NEK11: variants seen among roughly 807,000 people sequenced by gnomAD.
NEK11 encodes the protein serine/threonine-protein kinase Nek11.
In NEK11, 72 loss-of-function variants were observed where a neutral mutation model predicts 80.7. The ratio of observed to expected loss-of-function variants is 0.89; its 90% CI spans 0.74 to 1.08. The LOEUF (loss-of-function observed/expected upper bound fraction) is 1.08, where lower values mean the gene tolerates loss of function less well. Among genes scored for constraint, NEK11 ranks in the 50% least tolerant of loss-of-function variants. NEK11 has a pLI of 0.00. For missense variants in NEK11, 764 were observed against 763.6 expected (o/e 1.00, Z -0.01); for synonymous variants, 251 against 260.7 (o/e 0.96, Z 0.36).
chr3:131,238,781 A>G lies in NEK11; in HGVS notation c.1561-4655A>G, dbSNP rs115791166. Among the ~76,000 whole-genome samples the G allele has an allele frequency of 3.7e-3, 558 of 152,260 alleles. 11 individuals carry two copies. Among genetic ancestry groups the G allele is most frequent in the Non-Finnish European group, 4.0e-3 (271 of 68,006 alleles). ...AGTGAGCAAAAAGATCATAGTGAGC[A>G]AAAAGATCTTGGGGATGATAGAGAT... is the stretch of plus-strand genomic sequence containing the variant. On this transcript the variant is annotated intron_variant, in intron 15 of 17. Transcript: ENST00000383366.
rs142068477 is a variant in NEK11, at chr3:131,077,927, C to A, written c.171-2496C>A. ...CAAGCAGGCATTTCTCTAGAATCTA[C>A]TTCTTATTAAATAGGAGCCTAATAG... On this transcript the variant is annotated intron_variant, in intron 3 of 17. Transcript: ENST00000383366. Among the ~76,000 whole-genome samples the A allele has an allele frequency of 3.0e-3, 462 of 152,310 alleles. 1 individual carries two copies. Among genetic ancestry groups the A allele is most frequent in the Middle Eastern group, 6.8e-3 (2 of 294 alleles).
chr3:131,090,104 T>C (rs2076520747), intron 4 of NEK11, among the ~76,000 whole-genome samples: 1 of 152,230 alleles, frequency 6.6e-6, no homozygotes, highest in African/African-American at 2.4e-5. Flanking sequence ...ATTGCCAATG[T>C]TAATACAAGG....
chr3:131,098,093 G>T (rs981113572), intron 4 of NEK11, among the ~76,000 whole-genome samples: 1 of 150,524 alleles, frequency 6.6e-6, no homozygotes, highest in Non-Finnish European at 1.5e-5. Flanking sequence ...GGGAAAACTG[G>T]CTAGCCATAT....
At chr3:131,268,322 A>C (rs1465543526) in intron 16 of NEK11, among the ~76,000 whole-genome samples, 3 of 152,010 alleles carry the variant, frequency 2.0e-5, no homozygotes, top group Admixed American at 6.6e-5. Context: ...GCTGGTGAGG[A>C]GTTGTGATCC....
chr3:131,344,432 T>C (rs545799895), intron 17 of NEK11, among the ~76,000 whole-genome samples: 1 of 152,338 alleles, frequency 6.6e-6, no homozygotes, highest in Non-Finnish European at 1.5e-5. Context: ...TTCTAAACTT[T>C]TCCTCATCTT....
chr3:131,102,336 G>C (rs1408447687), intron 4 of NEK11, among the ~76,000 whole-genome samples: 4 of 152,104 alleles, frequency 2.6e-5, no homozygotes, highest in African/African-American at 4.8e-5. Flanking sequence ...TCCACATTTA[G>C]CACTCCCTTA....
rs2084766915 is a variant in NEK11, at chr3:131,132,824, A to C, written c.520+15A>C. The C allele has an allele frequency of 7.9e-7, 1 of 1,269,446 alleles. No homozygotes were observed. The highest frequency in any genetic ancestry group is 1.1e-6 in the Non-Finnish European group (1 of 896,728). The allele number at this position is 1,269,446 out of a possible 1,614,324, so 78.6% of individuals were successfully genotyped here. A position where few individuals can be genotyped will look rare whatever the true frequency, so the allele number is the denominator to read the frequency against. ...CCTTAAAATTGGTAAGATTTTAAAA[A>C]GTATGAATTCCAAAAACGCAGAACA... On this transcript the variant is annotated intron_variant, in intron 6 of 17. Transcript: ENST00000383366.
At chr3:131,091,690 A>T (rs2076753044) in intron 4 of NEK11, among the ~76,000 whole-genome samples, 1 of 152,248 alleles carries the variant, frequency 6.6e-6, no homozygotes, top group Admixed American at 6.5e-5. Context: ...AAATTCCTGA[A>T]AGGAATGCTA....
intron 14 of NEK11, among the ~76,000 whole-genome samples, chr3:131,212,012 G>A (rs748226437): frequency 1.3e-5 from 2 of 152,162 alleles, no homozygotes; most frequent in East Asian, 1.9e-4. Context: ...AGTTGCTGGC[G>A]AGGAGATGCG....
chr3:131,315,867 C>T (rs923253633), intron 17 of NEK11, among the ~76,000 whole-genome samples: 4 of 152,098 alleles, frequency 2.6e-5, no homozygotes, highest in African/African-American at 4.8e-5. Flanking sequence ...CCATTCATAT[C>T]CCTGCAAAGG....
At chr3:131,051,024 C>A (rs543801111) in intron 3 of NEK11, among the ~76,000 whole-genome samples, 8 of 152,130 alleles carry the variant, frequency 5.3e-5, no homozygotes, top group Non-Finnish European at 1.0e-4. Flanking sequence ...CAGAGTGAGA[C>A]CCTGCCTCCA....
intron 16 of NEK11, among the ~76,000 whole-genome samples, chr3:131,251,777 T>C (rs1209879094): frequency 6.6e-6 from 1 of 152,062 alleles, no homozygotes; most frequent in Non-Finnish European, 1.5e-5. Context: ...CCTCTTATTG[T>C]GTGTGACCTC....
At chr3:131,039,487 G>T (rs1274006569) in intron 3 of NEK11, among the ~76,000 whole-genome samples, 1 of 152,152 alleles carries the variant, frequency 6.6e-6, no homozygotes, top group Non-Finnish European at 1.5e-5. Context: ...CAGACAGCAG[G>T]CAGTTCCCTT....
In NEK11 at chr3:131,042,677, GGTACAGCTTC is replaced by G; in HGVS notation, c.170+12800_170+12809del. Among the ~76,000 whole-genome samples, 2 of 152,174 alleles carry G rather than the reference GGTACAGCTTC, an allele frequency of 1.3e-5. 1 individual carries two copies. The highest frequency in any genetic ancestry group is 2.9e-5 in the Non-Finnish European group (2 of 68,032). ...GCACCTGGGGGAAGGGGCGGCTGTG[GGTACAGCTTC>G]AGCAGACTTAAACGTTCCTGCCTGC... is the stretch of plus-strand genomic sequence containing the variant. On this transcript the variant is annotated intron_variant, in intron 3 of 17. Transcript: ENST00000383366.
intron 14 of NEK11, chr3:131,175,123 A>G (rs760421869): frequency 2.9e-6 from 3 of 1,036,902 alleles, no homozygotes; most frequent in Non-Finnish European, 3.5e-6. Context: ...AAGTGATTTG[A>G]ACTTTGCTAA....
rs185458455 is a variant in NEK11, at chr3:131,277,562, G to A, written c.1718+3988G>A. On this transcript the variant is annotated intron_variant, in intron 17 of 17. Coordinates refer to ENST00000383366, the MANE Select transcript of NEK11 (RefSeq NM_024800.5). Reference sequence around the variant, plus strand: ...AGGATATCAGGCAAATGACTTTGTCGTCTCCTCTATGAAGAAGTTGGGTGG... The same window carrying A: ...AGGATATCAGGCAAATGACTTTGTCATCTCCTCTATGAAGAAGTTGGGTGG... Among the ~76,000 whole-genome samples, 11 of 152,278 alleles carry A rather than the reference G, an allele frequency of 7.2e-5. No homozygotes were observed. In the East Asian group the frequency reaches 9.6e-4, roughly 13 times the overall value.
chr3:131,266,873 C>T (rs1001756546), intron 16 of NEK11, among the ~76,000 whole-genome samples: 3 of 152,164 alleles, frequency 2.0e-5, no homozygotes, highest in Non-Finnish European at 2.9e-5. Context: ...CTAGGTGCTC[C>T]TGTATTGGGT....
At chr3:131,108,936 C>T (rs1275166231) in intron 4 of NEK11, among the ~76,000 whole-genome samples, 1 of 152,000 alleles carries the variant, frequency 6.6e-6, no homozygotes, top group Non-Finnish European at 1.5e-5. Flanking sequence ...AATTTAGTTT[C>T]ACCAAAAATC....
At chr3:131,234,703 G>A (rs1172900514) in intron 15 of NEK11, among the ~76,000 whole-genome samples, 2 of 151,260 alleles carry the variant, frequency 1.3e-5, no homozygotes, top group African/African-American at 4.9e-5. Context: ...CCAGATCAAA[G>A]CATAGCTCAT....
Sources: allele counts gnomAD v4.1 joint callset (sites outside exome capture counted in the v4.1 genomes callset), GRCh38; gene constraint gnomAD v4.1.1; transcripts MANE v1.5; gene names NCBI Gene and HGNC (gene_info 2026-07-23, HGNC 2026-07-21).